FLI1: variants seen among roughly 807,000 people sequenced by gnomAD.
The protein encoded by FLI1 is Friend leukemia integration 1 transcription factor.
Under a neutral mutation model 53.1 loss-of-function variants are expected in FLI1, and 13 were observed. The observed-to-expected ratio is 0.24, with a 90% CI of 0.16 to 0.39. FLI1 has a LOEUF of 0.39. FLI1 is among the 10% of genes least tolerant of loss of function. The probability of loss-of-function intolerance (pLI) is 1.00; values close to 1 mark genes in which losing one functional copy is unlikely to be tolerated. For synonymous variants in FLI1, 244 were observed against 236.7 expected (o/e 1.03, Z -0.28); for missense variants, 424 against 600.5 (o/e 0.71, Z 3.07).
At chr11:128,697,112 C>A (rs750984789) in intron 1 of FLI1, among the ~76,000 whole-genome samples, 2 of 152,176 alleles carry the variant, frequency 1.3e-5, no homozygotes, top group Non-Finnish European at 2.9e-5. Context: ...AAACAACACC[C>A]GACCCACGCC....
chr11:128,775,906 A>T (rs184389425), intron 4 of FLI1, among the ~76,000 whole-genome samples: 42 of 152,300 alleles, frequency 2.8e-4, no homozygotes, highest in African/African-American at 9.9e-4. Context: ...AAGTTGATAG[A>T]GCAGAATCGG....
chr11:128,745,982 G>A (rs1187966154), intron 1 of FLI1, among the ~76,000 whole-genome samples: 1 of 152,182 alleles, frequency 6.6e-6, no homozygotes, highest in Non-Finnish European at 1.5e-5. Flanking sequence ...TGGGGAAAGT[G>A]GTCAGTGGCT....
chr11:128,686,307 C>G (rs1865801495), upstream of FLI1: 2 of 455,748 alleles, frequency 4.4e-6, no homozygotes, highest in Non-Finnish European at 8.8e-6. Context: ...GCGGGCATCC[C>G]CAGTTCGAAA....
At chr11:128,792,223 G>A (rs2135887943) in intron 5 of FLI1, among the ~76,000 whole-genome samples, 1 of 152,170 alleles carries the variant, frequency 6.6e-6, no homozygotes, top group East Asian at 1.9e-4. Context: ...CCCCACCTAG[G>A]CAATGGCAAG....
intron 1 of FLI1, among the ~76,000 whole-genome samples, chr11:128,695,756 C>T (rs565334926): frequency 1.3e-5 from 2 of 152,208 alleles, no homozygotes; most frequent in South Asian, 4.1e-4. Context: ...GGGATTCCTG[C>T]AAAGACCCGA....
chr11:128,742,933 C>A (rs901924616), intron 1 of FLI1, among the ~76,000 whole-genome samples: 1 of 152,180 alleles, frequency 6.6e-6, no homozygotes, highest in African/African-American at 2.4e-5. Context: ...CACAAGGTTC[C>A]CCATGGACAT....
chr11:128,760,815 C>T (rs956105689), intron 2 of FLI1, among the ~76,000 whole-genome samples: 14 of 152,096 alleles, frequency 9.2e-5, no homozygotes, highest in Non-Finnish European at 1.6e-4. Context: ...CGTGAGCCAC[C>T]GCACCCAGCT....
At chr11:128,692,376 C>T (rs1937778743), upstream of FLI1, among the ~76,000 whole-genome samples, 1 of 152,094 alleles carries the variant, frequency 6.6e-6, no homozygotes, top group South Asian at 2.1e-4. Context: ...CCGGAGCAGA[C>T]CCCTGGATTG....
chr11:128,795,870 C>T (rs61909411), intron 5 of FLI1, among the ~76,000 whole-genome samples: 1 of 152,118 alleles, frequency 6.6e-6, no homozygotes, highest in Non-Finnish European at 1.5e-5. Flanking sequence ...TTTTCATATG[C>T]ATGGTGTCAT....
rs114861339 is a variant in FLI1, at chr11:128,718,058, T to C, written c.18+23782T>C. Among the ~76,000 whole-genome samples the C allele has an allele frequency of 6.0e-3, 920 of 152,150 alleles. 8 individuals carry two copies. The highest frequency in any genetic ancestry group is 0.021 in the African/African-American group (856 of 41,478). Reference sequence around the variant, plus strand: ...CAGAGAAGCCTCATAGATAATGGCATCCCCAGAAAACTCTACACTTGGAAT... The same window carrying C: ...CAGAGAAGCCTCATAGATAATGGCACCCCCAGAAAACTCTACACTTGGAAT... On this transcript the variant is annotated intron_variant, in intron 1 of 8. Transcript: ENST00000527786.
At chr11:128,690,092 T>C (rs1259718228), upstream of FLI1, among the ~76,000 whole-genome samples, 1 of 152,252 alleles carries the variant, frequency 6.6e-6, no homozygotes, top group Non-Finnish European at 1.5e-5. Context: ...AGCTGCCTTG[T>C]TTGGCTAAGG....
At chr11:128,706,739 T>A (rs759663044) in intron 1 of FLI1, among the ~76,000 whole-genome samples, 4 of 152,212 alleles carry the variant, frequency 2.6e-5, no homozygotes, top group Non-Finnish European at 5.9e-5. Context: ...ATTGTCATAA[T>A]ATTTCTGGGT....
At chr11:128,747,584 G>A (rs1732171711) in intron 1 of FLI1, among the ~76,000 whole-genome samples, 1 of 152,232 alleles carries the variant, frequency 6.6e-6, no homozygotes, top group African/African-American at 2.4e-5. Flanking sequence ...GCTGCTTAAT[G>A]GTAGTAAGTC....
At chr11:128,727,322 C>G (rs543406462) in intron 1 of FLI1, among the ~76,000 whole-genome samples, 71 of 152,302 alleles carry the variant, frequency 4.7e-4, no homozygotes, top group African/African-American at 1.7e-3. Flanking sequence ...AACAGTAGCT[C>G]CTAAATCAAT....
intron 2 of FLI1, among the ~76,000 whole-genome samples, chr11:128,764,988 C>T (rs1202784658): frequency 1.3e-5 from 2 of 150,066 alleles, no homozygotes; most frequent in Non-Finnish European, 1.5e-5. Context: ...GAGAAACACC[C>T]TGGCGGGCGA....
intron 4 of FLI1, among the ~76,000 whole-genome samples, chr11:128,775,031 C>T (rs1325418578): frequency 2.0e-5 from 3 of 152,050 alleles, no homozygotes; most frequent in Admixed American, 1.3e-4. Context: ...CAGAAAGTGC[C>T]CCCAAATCAA....
At chr11:128,693,171 G>T (rs1037654521), upstream of FLI1, 8 of 152,522 alleles carry the variant, frequency 5.2e-5, no homozygotes, top group African/African-American at 1.9e-4. Context: ...GGCTCGAGAA[G>T]ATGCGGATAG....
chr11:128,711,101 G>C (rs1403818989), intron 1 of FLI1, among the ~76,000 whole-genome samples: 1 of 152,182 alleles, frequency 6.6e-6, no homozygotes, highest in African/African-American at 2.4e-5. Flanking sequence ...TGGCTATTGA[G>C]TATTTGAAAT....
intron 4 of FLI1, among the ~76,000 whole-genome samples, chr11:128,776,265 G>A (rs968075978): frequency 1.3e-5 from 2 of 152,090 alleles, no homozygotes; most frequent in South Asian, 2.1e-4. Context: ...TGTGTCACAC[G>A]CCACACAGGC....
Sources: allele counts gnomAD v4.1 joint callset (sites outside exome capture counted in the v4.1 genomes callset), GRCh38; gene constraint gnomAD v4.1.1; transcripts MANE v1.5; gene names NCBI Gene and HGNC (gene_info 2026-07-23, HGNC 2026-07-21).